The following ZBTB4 variants were observed in gnomAD, a reference collection of about 807,000 sequenced individuals.
The protein encoded by ZBTB4 is zinc finger and BTB domain containing 4.
In ZBTB4, 14 loss-of-function variants were observed where a neutral mutation model predicts 59.8. That is an observed-to-expected ratio of 0.23 (90% CI 0.15 to 0.37). The LOEUF is 0.37. Ranked by LOEUF, ZBTB4 falls within the 10% of genes least tolerant of loss-of-function variation. ZBTB4 has a pLI of 1.00. For synonymous variants in ZBTB4, 587 were observed against 575.2 expected (o/e 1.02, Z -0.29); for missense variants, 1,198 against 1,380.8 (o/e 0.87, Z 2.10).
Position 7,463,792 on chromosome 17 carries a change from C to G in ZBTB4, c.1190G>C (p.Ser397Thr), listed in dbSNP as rs753828173. 1.2e-6 allele frequency: 2 copies of G among 1,614,178 alleles called. No homozygotes were observed. Among genetic ancestry groups the G allele is most frequent in the Non-Finnish European group, 1.7e-6 (2 of 1,180,036 alleles). ...FHGISPGLLA[S>T]EKTPNGGYKP... is the part of the protein sequence containing the mutation. ...GTAGCCTCCATTGGGTGTCTTCTCA[C>G]TGGCAAGGAGGCCCGGGCTAATGCC... The change falls in exon 4 of 4, where the codon AGT becomes ACT. Residue 397 changes from serine (S) to threonine (T), a missense_variant. Ser to Thr is a moderately conservative substitution (Grantham distance 58, BLOSUM62 1). Transcript: ENST00000380599.
chr17:7,471,706 G>C (rs2070199255), intron 1 of ZBTB4, among the ~76,000 whole-genome samples: 1 of 152,138 alleles, frequency 6.6e-6, no homozygotes. Flanking sequence ...CTCTGTATCT[G>C]TTTCTTTGTC....
At chr17:7,467,945 C>T (rs755933299) in intron 1 of ZBTB4, among the ~76,000 whole-genome samples, 2 of 152,174 alleles carry the variant, frequency 1.3e-5, no homozygotes, top group African/African-American at 4.8e-5. Context: ...CTCTGGAGGG[C>T]ACTGGAAAGG....
rs1597762746 is a variant in ZBTB4, at chr17:7,463,047, T to C, written c.1935A>G (p.Glu645=). 3 of 1,608,524 alleles carry C rather than the reference T, an allele frequency of 1.9e-6. No homozygotes were observed. The highest frequency in any genetic ancestry group is 2.5e-6 in the Non-Finnish European group (3 of 1,178,060). Residue 645 remains glutamate, a synonymous_variant, in exon 4 of 4, where the codon GAA becomes GAG. Coordinates refer to ENST00000380599, the MANE Select transcript of ZBTB4 (RefSeq NM_001128833.2). Reference sequence around the variant, plus strand: ...CCTCCTCATCCTCCTCCTCCTCCTCTTCGTCCTCCTCCTCTTCGTCCTCCT... The same window carrying C: ...CCTCCTCATCCTCCTCCTCCTCCTCCTCGTCCTCCTCCTCTTCGTCCTCCT... ...ESEEDEEEED[E]EEEEEDEEES...
intron 1 of ZBTB4, among the ~76,000 whole-genome samples, chr17:7,478,268 C>A (rs1266119146): frequency 1.3e-5 from 2 of 152,284 alleles, no homozygotes; most frequent in East Asian, 3.9e-4. Context: ...CTTGGCTGCC[C>A]ATGATCCCAT....
chr17:7,479,065 C>T (rs1479707969), intron 1 of ZBTB4, among the ~76,000 whole-genome samples: 2 of 152,156 alleles, frequency 1.3e-5, no homozygotes, highest in East Asian at 3.9e-4. Context: ...CCATCACCCT[C>T]CCAGCAGCTT....
intron 1 of ZBTB4, among the ~76,000 whole-genome samples, chr17:7,477,278 A>G (rs189429407): frequency 5.8e-4 from 89 of 152,340 alleles, no homozygotes; most frequent in Non-Finnish European, 4.4e-5. Context: ...TTTGGAAGAT[A>G]CGCAGGGCAG....
upstream of ZBTB4, among the ~76,000 whole-genome samples, chr17:7,479,856 A>G (rs2070321737): frequency 1.3e-5 from 2 of 151,710 alleles, no homozygotes. Flanking sequence ...GCCGGGCTGC[A>G]GCATCCCGGC....
chr17:7,462,681 G>A lies in ZBTB4; in HGVS notation c.2301C>T (p.Cys767=), dbSNP rs1385687493. 3 of 1,606,652 alleles carry A rather than the reference G, an allele frequency of 1.9e-6. No individual in the cohort carries two copies. In the Admixed American group the frequency reaches 5.0e-5, roughly 27 times the overall value. Residue 767 remains cysteine (C), a synonymous_variant, in exon 4 of 4, where the codon TGC becomes TGT. Coordinates refer to ENST00000380599, the MANE Select transcript of ZBTB4 (RefSeq NM_001128833.2). The surrounding 1 kb of genome is among the most constrained non-coding windows in gnomAD (Gnocchi z 7.5). ...AGRRPSTRFT[C]PHCAKVCKTA... ...TCTTGCACACCTTGGCGCAGTGGGG[G>A]CAGGTAAAGCGGGTGGAGGGCCTCC...
At chr17:7,475,424 C>T (rs1567690914) in intron 1 of ZBTB4, among the ~76,000 whole-genome samples, 1 of 152,124 alleles carries the variant, frequency 6.6e-6, no homozygotes, top group Admixed American at 6.6e-5. Context: ...TGGGGCCTCA[C>T]ACACATTACC....
upstream of ZBTB4, among the ~76,000 whole-genome samples, chr17:7,480,063 T>C (rs527659062): frequency 3.5e-4 from 53 of 151,940 alleles, no homozygotes; most frequent in African/African-American, 1.3e-3. Context: ...GGGCCAGCCC[T>C]GGACACACAC....
Position 7,462,845 on chromosome 17 carries a change from C to G in ZBTB4, c.2137G>C (p.Ala713Pro). ...CGGGCACGTCCCGCTGGGCTCTCGG[C>G]CGCTGGGGTTTCCTCCCAGCTCCTC... is the stretch of plus-strand genomic sequence containing the variant. ...ERRSWEETPAAESPAGRARTE... is the reference protein window; with the variant it reads ...ERRSWEETPAPESPAGRARTE... The change falls in exon 4 of 4, where the codon GCC becomes CCC. Residue 713 changes from alanine (A) to proline (P), a missense_variant. By Grantham distance (27) the Ala-to-Pro change is conservative. Coordinates refer to ENST00000380599, the MANE Select transcript of ZBTB4 (RefSeq NM_001128833.2). This position sits in a 1 kb window ranked among gnomAD's most constrained non-coding sequence, Gnocchi z 7.5. 2 of 1,603,918 alleles carry G rather than the reference C, an allele frequency of 1.2e-6. No individual in the cohort carries two copies. Among genetic ancestry groups the G allele is most frequent in the East Asian group, 4.5e-5 (2 of 44,866 alleles).
At chr17:7,482,551 C>T (rs1017293153), upstream of ZBTB4, 11 of 1,612,544 alleles carry the variant, frequency 6.8e-6, no homozygotes, top group Admixed American at 8.3e-5. Flanking sequence ...GTGTCTACAC[C>T]GCCCTGGGCT....
Position 7,465,857 on chromosome 17 carries a change from C to T in ZBTB4, c.945G>A (p.Glu315=). 3 of 1,614,198 alleles carry T rather than the reference C, an allele frequency of 1.9e-6. No individual in the cohort carries two copies. Among genetic ancestry groups the T allele is most frequent in the Non-Finnish European group, 2.5e-6 (3 of 1,180,032 alleles). ...GACTGGACAGGGTCACGTAGGAACG[C>T]TCGCAGGCCGCGCACACATACAGCA... ...GHVLYVCAAC[E]RSYVTLSSLK... Residue 315 remains glutamate (E), a synonymous_variant, in exon 3 of 4, where the codon GAG becomes GAA. Transcript: ENST00000380599.
At chr17:7,476,897 G>T (rs1382187436) in intron 1 of ZBTB4, among the ~76,000 whole-genome samples, 2 of 152,364 alleles carry the variant, frequency 1.3e-5, no homozygotes, top group East Asian at 3.9e-4. Flanking sequence ...GAATGTTCCA[G>T]AAGGCAGCAG....
chr17:7,479,230 G>A (rs1268177875), intron 1 of ZBTB4, among the ~76,000 whole-genome samples: 2 of 151,948 alleles, frequency 1.3e-5, no homozygotes, highest in Admixed American at 6.5e-5. Context: ...GCCGCCCCTC[G>A]CTCGGACGCC....
intron 3 of ZBTB4, among the ~76,000 whole-genome samples, chr17:7,465,027 G>A (rs1444609581): frequency 1.3e-5 from 2 of 150,734 alleles, no homozygotes; most frequent in Non-Finnish European, 3.0e-5. Flanking sequence ...GTGATGGCGG[G>A]CGCCTGTAGT....
chr17:7,475,762 G>A (rs2070260844), intron 1 of ZBTB4, among the ~76,000 whole-genome samples: 1 of 152,124 alleles, frequency 6.6e-6, no homozygotes, highest in Non-Finnish European at 1.5e-5. Context: ...TTACAGAAGA[G>A]GAAACCGAGG....
chr17:7,463,020 T>TTCCTCCTCC lies in ZBTB4; in HGVS notation c.1961_1962insGGAGGAGGA (p.Glu652_Glu654dup), dbSNP rs750098678. 1 of 1,611,466 alleles carries TTCCTCCTCC rather than the reference T, an allele frequency of 6.2e-7. No homozygotes were observed. The highest frequency in any genetic ancestry group is 1.7e-5 in the Admixed American group (1 of 59,972). On this transcript the variant is annotated inframe_insertion, in exon 4 of 4. Coordinates refer to ENST00000380599, the MANE Select transcript of ZBTB4 (RefSeq NM_001128833.2). ...GCTGGTCCTCCCCACCAGCCTTTGATTCCTCCTCATCCTCCTCCTCCTCCT... is the reference window on the plus strand; with the variant it reads ...GCTGGTCCTCCCCACCAGCCTTTGATTCCTCCTCCTCCTCCTCATCCTCCTCCTCCTCCT...
chr17:7,478,404 C>T (rs1385783470), intron 1 of ZBTB4, among the ~76,000 whole-genome samples: 3 of 152,218 alleles, frequency 2.0e-5, no homozygotes, highest in Middle Eastern at 6.8e-3. Flanking sequence ...TCTAGACGCG[C>T]AGCCCCCATG....
Sources: allele counts gnomAD v4.1 joint callset (sites outside exome capture counted in the v4.1 genomes callset), GRCh38; gene constraint gnomAD v4.1.1; non-coding constraint Gnocchi (gnomAD v3.1); transcripts MANE v1.5; gene names NCBI Gene and HGNC (gene_info 2026-07-23, HGNC 2026-07-21).